LMNTD1: variants seen among roughly 807,000 people sequenced by gnomAD.
The protein encoded by LMNTD1 is lamin tail domain containing 1.
In LMNTD1, 35 loss-of-function variants were observed where a neutral mutation model predicts 50.9. That is an observed-to-expected ratio of 0.69 (90% CI 0.53 to 0.91). LMNTD1 has a LOEUF of 0.91. LMNTD1 is among the 40% of genes least tolerant of loss of function. The probability of loss-of-function intolerance (pLI) is 0.00; values close to 1 mark genes in which losing one functional copy is unlikely to be tolerated. For synonymous variants in LMNTD1, 153 were observed against 161.9 expected, an observed-to-expected ratio of 0.94 and a Z score of 0.42; for missense variants, 470 against 475.5, an observed-to-expected ratio of 0.99 and a Z score of 0.11.
At chr12:25,634,648 G>A (rs140625037) in intron 1 of LMNTD1, among the ~76,000 whole-genome samples, 47 of 152,088 alleles carry the variant, frequency 3.1e-4, no homozygotes, top group Non-Finnish European at 5.0e-4. Flanking sequence ...GCATACAAGG[G>A]ACATAGCTCA....
chr12:25,586,117 G>C (rs1945516506), intron 1 of LMNTD1: 1 of 152,124 alleles, frequency 6.6e-6, no homozygotes, highest in Non-Finnish European at 1.5e-5. Context: ...GAAGCACTAG[G>C]GGAAGGGTAG....
At chr12:25,648,520 C>G in exon 1 of LMNTD1, 1 of 1,551,716 alleles carries the variant, frequency 6.4e-7, no homozygotes, top group African/African-American at 1.4e-5. Context: ...TCTGGAAACA[C>G]CGATGTCTCC....
intron 4 of LMNTD1, among the ~76,000 whole-genome samples, chr12:25,540,397 C>T (rs1231197019): frequency 3.1e-5 from 3 of 95,382 alleles, no homozygotes; most frequent in Non-Finnish European, 4.3e-5. Context: ...GGGCTTCATC[C>T]CTTGGATGCA....
chr12:25,638,139 C>G (rs953432891), intron 1 of LMNTD1, among the ~76,000 whole-genome samples: 1 of 152,016 alleles, frequency 6.6e-6, no homozygotes, highest in Non-Finnish European at 1.5e-5. Flanking sequence ...AAACCAAATA[C>G]CCTTTTCTGG....
chr12:25,527,307 C>G (rs2081695666), intron 4 of LMNTD1, among the ~76,000 whole-genome samples: 1 of 148,630 alleles, frequency 6.7e-6, no homozygotes, highest in African/African-American at 2.5e-5. Context: ...AAAAGTAGAT[C>G]AAGAGACAAA....
intron 1 of LMNTD1, among the ~76,000 whole-genome samples, chr12:25,619,217 A>ACTCTCTCTCTCTCTCT (rs143233739): frequency 4.2e-5 from 5 of 120,156 alleles, no homozygotes; most frequent in African/African-American, 1.6e-4. Context: ...ATGCTTTTCA[A>ACTCTCTCTCTCTCTCT]CTCTCTCTCT....
chr12:25,569,063 T>A (rs1036456669), intron 1 of LMNTD1, among the ~76,000 whole-genome samples: 1 of 152,220 alleles, frequency 6.6e-6, no homozygotes, highest in Non-Finnish European at 1.5e-5. Flanking sequence ...ATGGTAGAGC[T>A]ACTGGCAGCT....
intron 1 of LMNTD1, among the ~76,000 whole-genome samples, chr12:25,558,598 A>G (rs1416605582): frequency 6.6e-6 from 1 of 152,252 alleles, no homozygotes; most frequent in Admixed American, 6.5e-5. Context: ...ACAAAGACAT[A>G]TCCGACACTG....
chr12:25,631,621 A>G (rs979932123), intron 1 of LMNTD1, among the ~76,000 whole-genome samples: 10 of 152,098 alleles, frequency 6.6e-5, no homozygotes, highest in African/African-American at 2.4e-4. Context: ...TCAAGGGAAC[A>G]CCCCGTGGGA....
intron 6 of LMNTD1, among the ~76,000 whole-genome samples, chr12:25,521,176 T>G (rs1438283218): frequency 6.6e-6 from 1 of 152,156 alleles, no homozygotes; most frequent in Non-Finnish European, 1.5e-5. Flanking sequence ...TATTTTATTT[T>G]GTTAATTGTT....
chr12:25,583,607 T>C (rs925264069), intron 1 of LMNTD1, among the ~76,000 whole-genome samples: 2 of 152,262 alleles, frequency 1.3e-5, no homozygotes, highest in Non-Finnish European at 2.9e-5. Flanking sequence ...GATTCAATTC[T>C]AATATTTTGT....
Position 25,648,425 on chromosome 12 carries a change from A to G in LMNTD1, c.58+69T>C. On this transcript the variant is annotated intron_variant, in intron 1 of 7. Transcript: ENST00000445693. The stretch of plus-strand genomic sequence containing the variant: ...ACTTTCTAAAGTGTCAGGTGTTAGT[A>G]TAAAAAGGAAATGAGGGAAGCCAGC... 6.3e-6 allele frequency: 8 copies of G among 1,263,596 alleles called. No individual in the cohort carries two copies. In the South Asian group the frequency reaches 1.0e-4, roughly 16 times the overall value. 78.3% of individuals were successfully genotyped at this position (1,263,596 alleles called of 1,614,324 possible). A position where few individuals can be genotyped will look rare whatever the true frequency, so the allele number is the denominator to read the frequency against.
At chr12:25,590,925 C>G (rs1191692802) in intron 1 of LMNTD1, among the ~76,000 whole-genome samples, 1 of 151,926 alleles carries the variant, frequency 6.6e-6, no homozygotes, top group Non-Finnish European at 1.5e-5. Context: ...AGCAGCAATA[C>G]CCAGGTACTA....
chr12:25,542,562 G>A (rs1943158887), intron 4 of LMNTD1, among the ~76,000 whole-genome samples: 1 of 124,354 alleles, frequency 8.0e-6, no homozygotes, highest in Admixed American at 9.3e-5. Flanking sequence ...TACACTCTGG[G>A]GACTGTTGTG....
chr12:25,527,089 AAT>A, intron 4 of LMNTD1, 134 bp from the exon 5 acceptor site: 1 of 531,818 alleles, frequency 1.9e-6, no homozygotes, highest in East Asian at 3.1e-5. Context: ...TCTATATAGG[AAT>A]AGTATATTTT....
chr12:25,561,959 C>A lies in LMNTD1; in HGVS notation c.59-15405G>T, dbSNP rs145075816. Among the ~76,000 whole-genome samples, 227 of 152,150 alleles carry A rather than the reference C, an allele frequency of 1.5e-3. 5 individuals carry two copies. The East Asian group carries it at 0.039, about 26-fold the overall frequency. On this transcript the variant is annotated intron_variant, in intron 1 of 7. Transcript: ENST00000445693. The stretch of plus-strand genomic sequence containing the variant: ...TTTCATCAGAGACTAGGATTGCAAC[C>A]CCTGCTGTTTTATGTTTTCCGTTTG...
At chr12:25,519,056 T>C (rs1359331481) in intron 7 of LMNTD1, 89 bp from the exon 8 acceptor site, 15 of 1,222,314 alleles carry the variant, frequency 1.2e-5, no homozygotes, top group Non-Finnish European at 1.6e-5. Flanking sequence ...GGAAGCATAT[T>C]TCAAAACCAA....
At chr12:25,619,217 ACTCTCT>A (rs143233739) in intron 1 of LMNTD1, among the ~76,000 whole-genome samples, 5,488 of 119,856 alleles carry the variant, frequency 0.046, 175 homozygotes, top group Middle Eastern at 0.073. Context: ...ATGCTTTTCA[ACTCTCT>A]CTCTCTCTCT....
intron 1 of LMNTD1, among the ~76,000 whole-genome samples, chr12:25,594,272 A>C (rs1208310776): frequency 6.6e-6 from 1 of 152,212 alleles, no homozygotes; most frequent in Non-Finnish European, 1.5e-5. Flanking sequence ...CAGGTTATCT[A>C]AAGTTAAGAT....
Sources: allele counts gnomAD v4.1 joint callset (sites outside exome capture counted in the v4.1 genomes callset), GRCh38; gene constraint gnomAD v4.1.1; transcripts MANE v1.5; gene names NCBI Gene and HGNC (gene_info 2026-07-23, HGNC 2026-07-21).